Variants in SYTL3 observed in about 807,000 individuals in gnomAD.
The protein encoded by SYTL3 is synaptotagmin-like protein 3.
Under a neutral mutation model 82.1 loss-of-function variants are expected in SYTL3, and 88 were observed. The observed-to-expected ratio is 1.07, with a 90% CI of 0.90 to 1.28. SYTL3 has a LOEUF of 1.28. SYTL3 is among the 50% of genes most tolerant of loss of function. The pLI is 0.00. For synonymous variants in SYTL3, 311 were observed against 289.4 expected (o/e 1.07, Z -0.76); for missense variants, 831 against 757.6 (o/e 1.10, Z -1.14).
At chr6:158,725,780 TC>T (rs1784658739) in intron 11 of SYTL3, 143 bp downstream of exon 11, 1 of 1,149,524 alleles carries the variant, frequency 8.7e-7, no homozygotes, top group Non-Finnish European at 1.3e-6. Flanking sequence ...TATCCATCCT[TC>T]CATTCCTTAA....
At chr6:158,723,471 G>C (rs1210693258) in intron 10 of SYTL3, among the ~76,000 whole-genome samples, 1 of 152,064 alleles carries the variant, frequency 6.6e-6, no homozygotes, top group East Asian at 1.9e-4. Flanking sequence ...GCAGAGTCAC[G>C]TGTTTTCCAG....
At position 158,665,507 on chromosome 6, in the gene SYTL3, CACCGGGGCGCCGTGT is replaced by C. The variant is rs751016846; in HGVS notation, c.224_238del (p.His75_Cys80delinsArg). 6.9e-6 allele frequency: 11 copies of C among 1,597,450 alleles called. No homozygotes were observed. The South Asian group carries it at 1.1e-4, about 16-fold the overall frequency. On this transcript the variant is annotated inframe_deletion, in exon 5 of 18. Coordinates refer to ENST00000611299, the MANE Select transcript of SYTL3 (RefSeq NM_001242394.2). ...CCAGCAGGTGCTGGGGTTCCTGCTG[CACCGGGGCGCCGTGT>C]GCCGGGGCTGCAGCCACCGCGTGTG...
At chr6:158,660,762 ACT>A (rs912925413) in intron 2 of SYTL3, among the ~76,000 whole-genome samples, 4 of 151,962 alleles carry the variant, frequency 2.6e-5, no homozygotes, top group Non-Finnish European at 4.4e-5. Context: ...AGGTGCAAAA[ACT>A]CTTCACTAAA....
chr6:158,713,906 C>T, intron 9 of SYTL3, 28 bp downstream of exon 9: 1 of 1,514,972 alleles, frequency 6.6e-7, no homozygotes. Context: ...GATGTGTTTT[C>T]CCACTACCTT....
At chr6:158,738,496 T>C (rs980906076) in intron 11 of SYTL3, among the ~76,000 whole-genome samples, 25 of 152,176 alleles carry the variant, frequency 1.6e-4, no homozygotes, top group African/African-American at 5.8e-4. Context: ...CCCTGCCTTC[T>C]CTGTTCCTTA....
At chr6:158,724,990 C>G (rs1201528179) in intron 10 of SYTL3, among the ~76,000 whole-genome samples, 2 of 151,730 alleles carry the variant, frequency 1.3e-5, no homozygotes, top group African/African-American at 4.8e-5. Flanking sequence ...ACTGCAGCCT[C>G]CAGTGTGGGT....
chr6:158,689,245 A>G (rs1026165652), intron 6 of SYTL3, among the ~76,000 whole-genome samples: 14 of 152,354 alleles, frequency 9.2e-5, no homozygotes, highest in African/African-American at 3.4e-4. Flanking sequence ...TGCCTCCTTT[A>G]GAAAGGGTGT....
chr6:158,726,684 C>T, intron 11 of SYTL3: 1 of 285,608 alleles, frequency 3.5e-6, no homozygotes, highest in Non-Finnish European at 7.0e-6. Flanking sequence ...TGGCTGGAAG[C>T]CTTCGTTCAT....
At chr6:158,750,723 T>G (rs979085770) in intron 12 of SYTL3, among the ~76,000 whole-genome samples, 3 of 152,178 alleles carry the variant, frequency 2.0e-5, no homozygotes, top group Non-Finnish European at 4.4e-5. Flanking sequence ...TCCCTGTGTA[T>G]TGCCCACGCT....
chr6:158,659,086 C>T (rs1789051819), intron 2 of SYTL3, among the ~76,000 whole-genome samples: 1 of 152,172 alleles, frequency 6.6e-6, no homozygotes, highest in Non-Finnish European at 1.5e-5. Context: ...AAACTAGGAT[C>T]AAAGTCTCTA....
At chr6:158,701,935 T>C (rs1237981494) in intron 6 of SYTL3, among the ~76,000 whole-genome samples, 1 of 152,036 alleles carries the variant, frequency 6.6e-6, no homozygotes, top group East Asian at 1.9e-4. Flanking sequence ...CCACATTGTC[T>C]CCCCTCTGTG....
intron 5 of SYTL3, among the ~76,000 whole-genome samples, chr6:158,677,730 AGAC>A (rs1270643841): frequency 1.5e-5 from 2 of 133,972 alleles, no homozygotes; most frequent in East Asian, 2.0e-4. Flanking sequence ...AAAAAAAAAA[AGAC>A]TATTTGAAAT....
intron 2 of SYTL3, among the ~76,000 whole-genome samples, chr6:158,655,440 A>G (rs1011133036): frequency 6.6e-6 from 1 of 152,222 alleles, no homozygotes; most frequent in Non-Finnish European, 1.5e-5. Flanking sequence ...GAAATCTGAT[A>G]TTGTCCCTAG....
chr6:158,665,048 C>G (rs1325275700), intron 4 of SYTL3, among the ~76,000 whole-genome samples: 2 of 152,224 alleles, frequency 1.3e-5, no homozygotes, highest in African/African-American at 4.8e-5. Flanking sequence ...CTTTTCCTCT[C>G]CTTTCACTAT....
At chr6:158,645,219 G>T (rs1252812391), upstream of SYTL3, among the ~76,000 whole-genome samples, 2 of 152,122 alleles carry the variant, frequency 1.3e-5, no homozygotes, top group South Asian at 2.1e-4. Context: ...TCCCTTTGGG[G>T]AGTTAAGTTT....
chr6:158,660,604 A>G (rs969541296), intron 2 of SYTL3, among the ~76,000 whole-genome samples: 12 of 152,070 alleles, frequency 7.9e-5, no homozygotes, highest in African/African-American at 2.9e-4. Context: ...AGATTCCCCC[A>G]CCAGATTCAC....
intron 6 of SYTL3, among the ~76,000 whole-genome samples, chr6:158,706,272 C>G (rs986021740): frequency 6.6e-6 from 1 of 152,076 alleles, no homozygotes; most frequent in Non-Finnish European, 1.5e-5. Flanking sequence ...GGCTAAGGAC[C>G]CTGATCTAGG....
intron 13 of SYTL3, among the ~76,000 whole-genome samples, chr6:158,752,425 G>C (rs1468666718): frequency 1.3e-5 from 2 of 152,166 alleles, no homozygotes; most frequent in Admixed American, 1.3e-4. Flanking sequence ...CTGAGTTACT[G>C]TCTTTGTAAA....
chr6:158,757,662 G>A (rs752001446), intron 14 of SYTL3, among the ~76,000 whole-genome samples: 5 of 152,190 alleles, frequency 3.3e-5, no homozygotes, highest in Admixed American at 6.5e-5. Flanking sequence ...TTCCCCTGGC[G>A]GAGGCCTCCC....
Sources: allele counts gnomAD v4.1 joint callset (sites outside exome capture counted in the v4.1 genomes callset), GRCh38; gene constraint gnomAD v4.1.1; transcripts MANE v1.5; gene names NCBI Gene and HGNC (gene_info 2026-07-23, HGNC 2026-07-21).